The following DNAAF10 variants were observed in gnomAD, a reference collection of about 807,000 sequenced individuals.
DNAAF10 encodes dynein axonemal assembly factor 10, also known as WD repeat domain 92.
DNAAF10 carries 28 observed loss-of-function variants against 43.7 expected under a neutral mutation model. The ratio of observed to expected loss-of-function variants is 0.64; its 90% CI spans 0.48 to 0.88. The LOEUF is 0.88. Among genes scored for constraint, DNAAF10 ranks in the 40% least tolerant of loss-of-function variants. The pLI, the probability that DNAAF10 is intolerant of heterozygous loss-of-function variation, is 0.00. For missense variants in DNAAF10, 403 were observed against 439.1 expected (o/e 0.92, Z 0.73); for synonymous variants, 156 against 157.3 (o/e 0.99, Z 0.06).
chr2:68,137,525 A>G lies in DNAAF10; in HGVS notation c.634-92T>C, dbSNP rs1673073097. 7.5e-6 allele frequency: 9 copies of G among 1,206,432 alleles called. No homozygotes were observed. In the South Asian group the frequency reaches 1.8e-4, roughly 24 times the overall value. 74.7% of individuals were successfully genotyped at this position (1,206,432 alleles called of 1,614,324 possible). A position where few individuals can be genotyped will look rare whatever the true frequency, so the allele number is the denominator to read the frequency against. ...AGTAAAACAGCTTTAAAATGGTCAG[A>G]TAATGTGAAAGCACTCCAACAATCA... On this transcript the variant is annotated intron_variant, in intron 5 of 7. Coordinates refer to ENST00000295121, the MANE Select transcript of DNAAF10 (RefSeq NM_138458.4).
chr2:68,157,203 G>C, intron 1 of DNAAF10, 58 bp downstream of exon 1: 1 of 1,555,498 alleles, frequency 6.4e-7, no homozygotes, highest in Non-Finnish European at 8.7e-7. Flanking sequence ...GAGGAATGCA[G>C]ACCCCAGGAT....
Position 68,157,521 on chromosome 2 carries a change from C to T in DNAAF10, c.-78G>A, listed in dbSNP as rs1331829803. ...GGCAACCTGGAAACCAGACTCCAAA[C>T]ATTGGCAATTTGTCCCTCCCGCTTT... On this transcript the variant is annotated 5_prime_UTR_variant, in exon 1 of 8. The change abolishes an upstream ATG in the 5' untranslated region. Coordinates refer to ENST00000295121, the MANE Select transcript of DNAAF10 (RefSeq NM_138458.4). 1.3e-6 allele frequency: 2 copies of T among 1,593,804 alleles called. No individual in the cohort carries two copies. The highest frequency in any genetic ancestry group is 8.6e-7 in the Non-Finnish European group (1 of 1,161,544).
At chr2:68,156,947 C>G (rs1009903525) in intron 1 of DNAAF10, 8 of 411,426 alleles carry the variant, frequency 1.9e-5, no homozygotes, top group African/African-American at 1.0e-4. Flanking sequence ...CCTGGGAATA[C>G]CAGGCACTCA....
chr2:68,131,358 C>T lies in DNAAF10; in HGVS notation c.954G>A (p.Thr318=), dbSNP rs775727788. The T allele has an allele frequency of 3.0e-5, 49 of 1,613,996 alleles. No individual in the cohort carries two copies. The highest frequency in any genetic ancestry group is 4.4e-5 in the South Asian group (4 of 91,090). The change falls in exon 8 of 8, where the codon ACG becomes ACA. Residue 318 remains threonine, a synonymous_variant. Coordinates refer to ENST00000295121, the MANE Select transcript of DNAAF10 (RefSeq NM_138458.4). ...AGSVSLLQNV[T]LSTQPISSLD... ...AACTTGAAATGGGCTGGGTGGACAA[C>T]GTAACATTCTGCAGAAGGCTTACAG...
chr2:68,156,790 C>T (rs17035049), intron 1 of DNAAF10: 1,936 of 169,428 alleles, frequency 0.011, 32 homozygotes, highest in African/African-American at 0.044. Flanking sequence ...AATCTGTTTT[C>T]ACTCTCATTG....
chr2:68,131,546 G>A (rs770916432), intron 7 of DNAAF10, 101 bp from the exon 8 acceptor site: 87 of 1,127,946 alleles, frequency 7.7e-5, no homozygotes, highest in Admixed American at 2.1e-4. Context: ...GTTGGTTACT[G>A]GGACTAATAA....
chr2:68,147,634 C>T (rs1260861974), intron 1 of DNAAF10, 67 bp from the exon 2 acceptor site: 4 of 1,152,612 alleles, frequency 3.5e-6, no homozygotes, highest in Non-Finnish European at 4.9e-6. Flanking sequence ...CTATTAATAT[C>T]ATATTTATGG....
chr2:68,155,839 G>A (rs1358178541), intron 1 of DNAAF10, among the ~76,000 whole-genome samples: 1 of 152,116 alleles, frequency 6.6e-6, no homozygotes, highest in African/African-American at 2.4e-5. Flanking sequence ...GCTCACGCCT[G>A]TAATCCCAGT....
Position 68,131,432 on chromosome 2 carries a change from G to C in DNAAF10, c.880C>G (p.Gln294Glu). 6.2e-7 allele frequency: 1 copy of C among 1,609,968 alleles called. No homozygotes were observed. Among genetic ancestry groups the C allele is most frequent in the Non-Finnish European group, 8.5e-7 (1 of 1,177,746 alleles). The stretch of plus-strand genomic sequence containing the variant: ...CCCTCAGAATCTTTCTTTGACCGCT[G>C]AATAGGGTATTCACTGAAAACAAGA... ...LHLWKYEYPIQRSKKDSEGIE... is the reference protein window; with the variant it reads ...LHLWKYEYPIERSKKDSEGIE... Residue 294 changes from glutamine to glutamate, a missense_variant, in exon 8 of 8, where the codon CAG (glutamine) becomes GAG (glutamate). By Grantham distance (29) the Gln-to-Glu change is conservative. Transcript: ENST00000295121.
chr2:68,135,674 T>C (rs1272833212), intron 6 of DNAAF10, among the ~76,000 whole-genome samples: 2 of 152,226 alleles, frequency 1.3e-5, no homozygotes, highest in Non-Finnish European at 2.9e-5. Flanking sequence ...TTGATTTCAA[T>C]AGTCTTTTGA....
At position 68,131,227 on chromosome 2, in the gene DNAAF10, A is replaced by T; in HGVS notation, c.*11T>A. 6.2e-7 allele frequency: 1 copy of T among 1,613,590 alleles called. No homozygotes were observed. Among genetic ancestry groups the T allele is most frequent in the Non-Finnish European group, 8.5e-7 (1 of 1,179,684 alleles). On this transcript the variant is annotated 3_prime_UTR_variant, in exon 8 of 8. Transcript: ENST00000295121. ...GCCACCGTGCCCAGCCTCAAGTCCA[A>T]AGTCTTGAAGTCAAATTTTATTGAG...
chr2:68,144,788 A>G, intron 2 of DNAAF10, 73 bp from the exon 3 acceptor site: 2 of 1,511,574 alleles, frequency 1.3e-6, no homozygotes, highest in Non-Finnish European at 1.8e-6. Context: ...TCAAAAAGAT[A>G]TATTATAGTT....
At chr2:68,133,504 A>G (rs1289878524) in intron 7 of DNAAF10, among the ~76,000 whole-genome samples, 1 of 152,088 alleles carries the variant, frequency 6.6e-6, no homozygotes, top group African/African-American at 2.4e-5. Flanking sequence ...CATAATTCCA[A>G]TACTGTGGGA....
At chr2:68,136,387 C>T (rs1201125323) in intron 6 of DNAAF10, among the ~76,000 whole-genome samples, 2 of 151,890 alleles carry the variant, frequency 1.3e-5, no homozygotes, top group Non-Finnish European at 2.9e-5. Flanking sequence ...AAAAGCAAAC[C>T]AATATTATAA....
chr2:68,136,849 A>G (rs1673055484), intron 6 of DNAAF10, among the ~76,000 whole-genome samples: 1 of 152,036 alleles, frequency 6.6e-6, no homozygotes, highest in African/African-American at 2.4e-5. Flanking sequence ...CATTTACTAT[A>G]ATCACAGTAC....
At chr2:68,141,582 C>T in intron 4 of DNAAF10, 112 bp downstream of exon 4, 1 of 1,032,216 alleles carries the variant, frequency 9.7e-7, no homozygotes, top group African/African-American at 1.6e-5. Flanking sequence ...CCTCAGTAAA[C>T]TATTAGAATA....
chr2:68,138,903 TA>T, intron 4 of DNAAF10, 46 bp from the exon 5 acceptor site: 9 of 1,365,964 alleles, frequency 6.6e-6, no homozygotes, highest in Non-Finnish European at 9.3e-6. Context: ...AATGCATCCT[TA>T]TAAAGGCTGC....
chr2:68,134,822 A>G, intron 6 of DNAAF10, 23 bp from the exon 7 acceptor site: 1 of 1,613,284 alleles, frequency 6.2e-7, no homozygotes, highest in South Asian at 1.1e-5. Flanking sequence ...AGAGGCATAC[A>G]ACTGGTTTAT....
intron 1 of DNAAF10, among the ~76,000 whole-genome samples, chr2:68,148,551 A>C (rs1182342539): frequency 6.6e-6 from 1 of 151,892 alleles, no homozygotes; most frequent in East Asian, 1.9e-4. Flanking sequence ...CCCGCCGCCA[A>C]CTCTACCTGC....
Sources: gnomAD v4.1 joint callset for allele counts (sites outside exome capture counted in the v4.1 genomes callset) on GRCh38, gnomAD v4.1.1 for gene constraint, MANE v1.5 for transcripts, NCBI Gene and HGNC (gene_info 2026-07-23, HGNC 2026-07-21) for gene names.